SNAP91: variants seen among roughly 807,000 people sequenced by gnomAD.
SNAP91 encodes clathrin coat assembly protein AP180.
Under a neutral mutation model 100.3 loss-of-function variants are expected in SNAP91, and 27 were observed. The observed-to-expected ratio is 0.27, with a 90% CI of 0.20 to 0.37. SNAP91 has a LOEUF of 0.37. Ranked by LOEUF, SNAP91 falls within the 10% of genes least tolerant of loss-of-function variation. The pLI is 1.00. For missense variants in SNAP91, 986 were observed against 1,123.7 expected (o/e 0.88, Z 1.75); for synonymous variants, 404 against 398.6 (o/e 1.01, Z -0.16).
chr6:83,637,873 A>G (rs2097529052), intron 8 of SNAP91, among the ~76,000 whole-genome samples: 1 of 152,200 alleles, frequency 6.6e-6, no homozygotes, highest in Non-Finnish European at 1.5e-5. Context: ...CAGGGAGTTG[A>G]AACCAGGCCT....
chr6:83,635,972 CTCTT>C (rs1477383089), intron 8 of SNAP91, among the ~76,000 whole-genome samples: 14 of 152,140 alleles, frequency 9.2e-5, no homozygotes, highest in Non-Finnish European at 1.9e-4. Flanking sequence ...GGAAATTCTT[CTCTT>C]TAAGAATACT....
intron 13 of SNAP91, among the ~76,000 whole-genome samples, chr6:83,606,716 AGTAATATT>A (rs2128283236): frequency 6.6e-6 from 1 of 152,318 alleles, no homozygotes; most frequent in African/African-American, 2.4e-5. Flanking sequence ...TAGATTTCCA[AGTAATATT>A]CTTTTGAAGA....
At chr6:83,691,888 C>T (rs2099135155) in intron 2 of SNAP91, among the ~76,000 whole-genome samples, 1 of 152,130 alleles carries the variant, frequency 6.6e-6, no homozygotes, top group African/African-American at 2.4e-5. Context: ...ATAACAGACA[C>T]TCCAAAGTCA....
intron 2 of SNAP91, among the ~76,000 whole-genome samples, chr6:83,667,223 T>G (rs2098703248): frequency 6.6e-6 from 1 of 152,088 alleles, no homozygotes; most frequent in Non-Finnish European, 1.5e-5. Flanking sequence ...CTGATACAGT[T>G]TCAGAGTCAA....
At chr6:83,642,433 T>C (rs1313342436) in intron 7 of SNAP91, among the ~76,000 whole-genome samples, 2 of 152,082 alleles carry the variant, frequency 1.3e-5, no homozygotes, top group Non-Finnish European at 2.9e-5. Context: ...AGTGAGAACA[T>C]GCAGTGTTTG....
intron 2 of SNAP91, among the ~76,000 whole-genome samples, chr6:83,668,580 A>T (rs2098728927): frequency 6.6e-6 from 1 of 152,222 alleles, no homozygotes; most frequent in East Asian, 1.9e-4. Flanking sequence ...TATCGCAAGA[A>T]CAAAAAACCA....
intron 28 of SNAP91, among the ~76,000 whole-genome samples, chr6:83,556,613 T>C (rs752325636): frequency 6.6e-6 from 1 of 152,180 alleles, no homozygotes; most frequent in Non-Finnish European, 1.5e-5. Flanking sequence ...AATATGGGTA[T>C]GACTTAGGGA....
At chr6:83,578,889 C>T (rs146678752) in intron 24 of SNAP91, among the ~76,000 whole-genome samples, 37 of 151,948 alleles carry the variant, frequency 2.4e-4, no homozygotes, top group African/African-American at 8.2e-4. Flanking sequence ...GGTTGTACGA[C>T]TTACTTTGAA....
chr6:83,605,146 C>T (rs1485965652), intron 14 of SNAP91, among the ~76,000 whole-genome samples: 2 of 112,108 alleles, frequency 1.8e-5, no homozygotes, highest in African/African-American at 7.7e-5. Flanking sequence ...GATGTGATTC[C>T]TCTCAGTCAA....
At chr6:83,685,330 T>G (rs577098556) in intron 2 of SNAP91, among the ~76,000 whole-genome samples, 2 of 152,154 alleles carry the variant, frequency 1.3e-5, no homozygotes, top group African/African-American at 2.4e-5. Flanking sequence ...AAGCTAGAAG[T>G]AGCAGGAACA....
At chr6:83,686,792 G>A (rs1230128272) in intron 2 of SNAP91, 4 of 152,126 alleles carry the variant, frequency 2.6e-5, no homozygotes, top group African/African-American at 9.7e-5. Flanking sequence ...TGTTTCCCAT[G>A]AGAGTACAAC....
chr6:83,681,835 ATGG>A (rs941921021), intron 2 of SNAP91, among the ~76,000 whole-genome samples: 2 of 152,258 alleles, frequency 1.3e-5, no homozygotes, highest in South Asian at 4.2e-4. Flanking sequence ...AGAATGACAA[ATGG>A]TGGCAAAAAT....
chr6:83,689,924 A>G lies in SNAP91; in HGVS notation c.130+17874T>C, dbSNP rs893072596. 2.0e-5 allele frequency among the ~76,000 whole-genome samples: 3 copies of G among 151,990 alleles called. No homozygotes were observed. The East Asian group carries it at 5.8e-4, about 29-fold the overall frequency. Reference sequence around the variant, plus strand: ...AGATATAAAATTTCATCTTAAGTATATTACTATAATTGTCTCATTTTTTCC... The same window carrying G: ...AGATATAAAATTTCATCTTAAGTATGTTACTATAATTGTCTCATTTTTTCC... On this transcript the variant is annotated intron_variant, in intron 2 of 29. Transcript: ENST00000369694.
intron 2 of SNAP91, among the ~76,000 whole-genome samples, chr6:83,680,725 T>G (rs2098977284): frequency 6.6e-6 from 1 of 152,160 alleles, no homozygotes; most frequent in Admixed American, 6.6e-5. Context: ...TGAGGGGATG[T>G]CTTGTGTATT....
intron 26 of SNAP91, among the ~76,000 whole-genome samples, chr6:83,563,587 T>G (rs1277650980): frequency 6.6e-6 from 1 of 152,198 alleles, no homozygotes; most frequent in East Asian, 1.9e-4. Flanking sequence ...GGCACAATCT[T>G]TCTTTTATAC....
chr6:83,592,231 T>C (rs1241614260), intron 21 of SNAP91, among the ~76,000 whole-genome samples: 1 of 152,052 alleles, frequency 6.6e-6, no homozygotes, highest in Non-Finnish European at 1.5e-5. Flanking sequence ...AAGTGAAAAA[T>C]TATGTGTTTT....
At chr6:83,648,147 G>A (rs1349193880) in intron 7 of SNAP91, among the ~76,000 whole-genome samples, 1 of 152,102 alleles carries the variant, frequency 6.6e-6, no homozygotes, top group Non-Finnish European at 1.5e-5. Flanking sequence ...GTAACCACTA[G>A]TCTCTTTTCT....
chr6:83,566,751 C>A (rs1040644074), intron 26 of SNAP91, among the ~76,000 whole-genome samples: 2 of 152,136 alleles, frequency 1.3e-5, no homozygotes, highest in African/African-American at 4.8e-5. Context: ...AAACTAGAGA[C>A]TTTACCAATC....
At chr6:83,596,862 T>C (rs1173029771) in intron 16 of SNAP91, among the ~76,000 whole-genome samples, 4 of 152,228 alleles carry the variant, frequency 2.6e-5, no homozygotes, top group Non-Finnish European at 5.9e-5. Flanking sequence ...GTTTAGCCAC[T>C]GTACTGCATT....
Sources: gnomAD v4.1 joint callset for allele counts (sites outside exome capture counted in the v4.1 genomes callset) on GRCh38, gnomAD v4.1.1 for gene constraint, MANE v1.5 for transcripts, NCBI Gene and HGNC (gene_info 2026-07-23, HGNC 2026-07-21) for gene names.